Variants in FBXO31 observed in about 807,000 individuals in gnomAD.
FBXO31 encodes F-box protein 31.
FBXO31 carries 24 observed loss-of-function variants against 54.4 expected under a neutral mutation model. The ratio of observed to expected loss-of-function variants is 0.44; its 90% CI spans 0.32 to 0.62. FBXO31 has a LOEUF of 0.62. Ranked by LOEUF, FBXO31 falls within the 20% of genes least tolerant of loss-of-function variation. The pLI is 0.05. For synonymous variants in FBXO31, 388 were observed against 335.6 expected (o/e 1.16, Z -1.71); for missense variants, 665 against 787.1 (o/e 0.84, Z 1.86).
intron 1 of FBXO31, among the ~76,000 whole-genome samples, chr16:87,381,496 A>G (rs1640403919): frequency 6.6e-6 from 1 of 152,218 alleles, no homozygotes. Context: ...CTTGTCCAGG[A>G]TCTCACAGCA....
intron 1 of FBXO31, among the ~76,000 whole-genome samples, chr16:87,377,924 G>A (rs1447553148): frequency 1.3e-5 from 2 of 151,994 alleles, no homozygotes; most frequent in Non-Finnish European, 1.5e-5. Context: ...TTGGGAGCCC[G>A]AGGCAGGCGG....
chr16:87,342,941 T>G lies in FBXO31; in HGVS notation c.668A>C (p.Lys223Thr), dbSNP rs1357611457. 1.2e-6 allele frequency: 2 copies of G among 1,607,462 alleles called. No homozygotes were observed. The highest frequency in any genetic ancestry group is 3.4e-5 in the Admixed American group (2 of 59,040). Residue 223 changes from lysine to threonine, a missense_variant, in exon 5 of 9, where the codon AAG becomes ACG. Physicochemically the swap from Lys to Thr is moderately conservative, Grantham distance 78. Coordinates refer to ENST00000311635, the MANE Select transcript of FBXO31 (RefSeq NM_024735.5). Reference protein sequence around the residue: ...PHHGHIQIVKKDEFSTKCNQT... With the variant: ...PHHGHIQIVKTDEFSTKCNQT... ...GTTGCACTTGGTGGAGAACTCATCC[T>G]TCTTCACAATCTTCAGTGTTTGCAA... is the stretch of plus-strand genomic sequence containing the variant.
chr16:87,392,108 T>C (rs1255091581), upstream of FBXO31: 2 of 274,966 alleles, frequency 7.3e-6, no homozygotes, highest in African/African-American at 2.2e-5. Context: ...CGCCCAGCGG[T>C]GCTGGGCGGG....
chr16:87,377,926 G>A (rs1403111109), intron 1 of FBXO31, among the ~76,000 whole-genome samples: 1 of 152,152 alleles, frequency 6.6e-6, no homozygotes, highest in East Asian at 1.9e-4. Context: ...GGGAGCCCGA[G>A]GCAGGCGGAT....
chr16:87,383,689 C>A lies in FBXO31; in HGVS notation c.56G>T (p.Arg19Leu). Residue 19 changes from arginine to leucine, a missense_variant, in exon 1 of 9, where the codon CGC becomes CTC. This residue lies in a region of FBXO31 where 195 missense variants were observed against 174.8 expected (regional missense o/e 1.12). Coordinates refer to ENST00000311635, the MANE Select transcript of FBXO31 (RefSeq NM_024735.5). This position sits in a 1 kb window ranked among gnomAD's most constrained non-coding sequence, Gnocchi z 4.9. ...CTCGGCCGGGCCCCGGCGCTGCTGG[C>A]GGCGCCGACATCCGCGCGACGGGCC... is the stretch of plus-strand genomic sequence containing the variant. ...GVGPSRGCRR[R>L]QQRRGPAETA... 1 of 1,274,964 alleles carries A rather than the reference C, an allele frequency of 7.8e-7. No homozygotes were observed. The highest frequency in any genetic ancestry group is 9.8e-7 in the Non-Finnish European group (1 of 1,017,572). The allele number at this position is 1,274,964 out of a possible 1,614,324, so 79.0% of individuals were successfully genotyped here. A position where few individuals can be genotyped will look rare whatever the true frequency, so the allele number is the denominator to read the frequency against.
Position 87,330,081 on chromosome 16 carries a change from C to T in FBXO31, c.*1207G>A, listed in dbSNP as rs375309812. The T allele has an allele frequency of 2.6e-5, 4 of 152,424 alleles. No homozygotes were observed. Among genetic ancestry groups the T allele is most frequent in the African/African-American group, 4.8e-5 (2 of 41,472 alleles). The allele number at this position is 152,424 out of a possible 1,614,324, so 9.4% of individuals were successfully genotyped here. A position where few individuals can be genotyped will look rare whatever the true frequency, so the allele number is the denominator to read the frequency against. ...GGAAGGCTCGCTGGGGACGCCCACT[C>T]GGGCACGGAGCTGGCTGTGGGCTGG... is the stretch of plus-strand genomic sequence containing the variant. On this transcript the variant is annotated 3_prime_UTR_variant, in exon 9 of 9. Coordinates refer to ENST00000311635, the MANE Select transcript of FBXO31 (RefSeq NM_024735.5).
chr16:87,383,739 C>G lies in FBXO31; in HGVS notation c.6G>C (p.Ala2=). ...CCACGCCGCAAAGGCGAGCACACAC[C>G]GCCATGCCGCCCAGTGACGGCCACT... The part of the protein sequence containing the change: M[A]VCARLCGVGP... The change falls in exon 1 of 9, where the codon GCG becomes GCC. Residue 2 remains alanine, a synonymous_variant. Transcript: ENST00000311635. The surrounding 1 kb of genome is among the most constrained non-coding windows in gnomAD (Gnocchi z 4.9). 2 of 1,214,902 alleles carry G rather than the reference C, an allele frequency of 1.6e-6. No individual in the cohort carries two copies. Among genetic ancestry groups the G allele is most frequent in the Non-Finnish European group, 2.0e-6 (2 of 979,890 alleles). 75.3% of individuals were successfully genotyped at this position (1,214,902 alleles called of 1,614,324 possible). A position where few individuals can be genotyped will look rare whatever the true frequency, so the allele number is the denominator to read the frequency against.
In FBXO31 at chr16:87,343,595, C is replaced by G; in HGVS notation, c.657+3G>C. On this transcript the variant is annotated splice_donor_region_variant and intron_variant, in intron 4 of 8. Coordinates refer to ENST00000311635, the MANE Select transcript of FBXO31 (RefSeq NM_024735.5). ...GAGGACCCAGCCCCGCCGCTGCACA[C>G]ACCTGGATGTGGCCGTGGTGGGGCC... 1 of 1,604,024 alleles carries G rather than the reference C, an allele frequency of 6.2e-7. No individual in the cohort carries two copies. Among genetic ancestry groups the G allele is most frequent in the Non-Finnish European group, 8.5e-7 (1 of 1,175,410 alleles).
At chr16:87,391,068 T>G (rs1429162106), upstream of FBXO31, among the ~76,000 whole-genome samples, 6 of 152,194 alleles carry the variant, frequency 3.9e-5, no homozygotes, top group African/African-American at 1.4e-4. Context: ...AACAGCCAAA[T>G]AGCCGGGAGC....
rs551944205 is a variant in FBXO31, at chr16:87,358,879, A to C, written c.412+1416T>G. ...TGGGATGACCGTCTAGAGAACACTT[A>C]CCCCGGCTAACATACTCACTTTGCC... On this transcript the variant is annotated intron_variant, in intron 2 of 8. Transcript: ENST00000311635. The surrounding 1 kb of genome is among the most constrained non-coding windows in gnomAD (Gnocchi z 4.0). Among the ~76,000 whole-genome samples, 2 of 151,942 alleles carry C rather than the reference A, an allele frequency of 1.3e-5. No individual in the cohort carries two copies. The highest frequency in any genetic ancestry group is 4.2e-4 in the South Asian group (2 of 4,798).
chr16:87,382,184 C>G (rs1039593691), intron 1 of FBXO31, among the ~76,000 whole-genome samples: 1 of 152,152 alleles, frequency 6.6e-6, no homozygotes, highest in African/African-American at 2.4e-5. Context: ...CAGTGAGGGA[C>G]GAGTCTGTGC....
At chr16:87,354,623 C>T (rs894599110) in intron 2 of FBXO31, among the ~76,000 whole-genome samples, 2 of 152,058 alleles carry the variant, frequency 1.3e-5, no homozygotes, top group African/African-American at 4.8e-5. Context: ...ACCTCATGCA[C>T]CCAAGGAAAA....
chr16:87,334,125 G>C lies in FBXO31; in HGVS notation c.1158C>G (p.His386Gln). The C allele has an allele frequency of 6.2e-7, 1 of 1,611,446 alleles. No homozygotes were observed. Among genetic ancestry groups the C allele is most frequent in the Non-Finnish European group, 8.5e-7 (1 of 1,179,010 alleles). The change falls in exon 8 of 9, where the codon CAC becomes CAG. Residue 386 changes from histidine to glutamine, a missense_variant. His to Gln is a conservative substitution (Grantham distance 24). Around this residue, in one of 4 missense-constraint regions of FBXO31, gnomAD observed 165 missense variants for 159.7 expected, o/e 1.03. Transcript: ENST00000311635. The part of the protein sequence containing the change: ...RVRQEQQEGG[H>Q]EAGEGRGRQG... ...GCCGGCCACGACCCTCGCCCGCCTC[G>C]TGCCCGCCTTCCTGCTGCTCCTGGC... is the stretch of plus-strand genomic sequence containing the variant.
chr16:87,373,621 T>C (rs570380517), intron 1 of FBXO31, among the ~76,000 whole-genome samples: 3 of 151,832 alleles, frequency 2.0e-5, no homozygotes, highest in African/African-American at 4.8e-5. Flanking sequence ...CTTGAACTCC[T>C]GGGCACAAGC....
chr16:87,365,970 C>T (rs1044258176), intron 1 of FBXO31, among the ~76,000 whole-genome samples: 5 of 152,020 alleles, frequency 3.3e-5, no homozygotes, highest in African/African-American at 1.2e-4. Flanking sequence ...CGGAGGTTGC[C>T]GTGAGCCAAG....
At chr16:87,383,805 C>T, upstream of FBXO31, 2 of 1,125,866 alleles carry the variant, frequency 1.8e-6, no homozygotes, top group Non-Finnish European at 2.2e-6. The surrounding 1 kb of genome is among the most constrained non-coding windows in gnomAD (Gnocchi z 4.9). Context: ...CCCCGCCCCG[C>T]CAGCGCCGAG....
intron 4 of FBXO31, 76 bp downstream of exon 4, chr16:87,343,522 A>C (rs1016225736): frequency 6.6e-7 from 1 of 1,507,418 alleles, no homozygotes; most frequent in African/African-American, 1.4e-5. Context: ...AGCTGAGAAT[A>C]GCACGGCAGG....
chr16:87,382,723 C>G (rs1449188554), intron 1 of FBXO31, among the ~76,000 whole-genome samples: 1 of 152,160 alleles, frequency 6.6e-6, no homozygotes, highest in Non-Finnish European at 1.5e-5. Flanking sequence ...ACCTCCGCCT[C>G]CCGGGTTCAA....
rs1472501639 is a variant in FBXO31 at position 87,346,640 on chromosome 16, A to G, written c.489+534T>C. On this transcript the variant is annotated intron_variant, in intron 3 of 8. Transcript: ENST00000311635. This position sits in a 1 kb window ranked among gnomAD's most constrained non-coding sequence, Gnocchi z 4.2. ...CCACCAGCCTGGACTTCCGCCTGCAACGTTCTAGCACTTTCTAGCAGGGGC... is the reference window on the plus strand; with the variant it reads ...CCACCAGCCTGGACTTCCGCCTGCAGCGTTCTAGCACTTTCTAGCAGGGGC... Among the ~76,000 whole-genome samples, 1 of 152,200 alleles carries G rather than the reference A, an allele frequency of 6.6e-6. No individual in the cohort carries two copies. Among genetic ancestry groups the G allele is most frequent in the Non-Finnish European group, 1.5e-5 (1 of 68,030 alleles).
Sources: gnomAD v4.1 joint callset for allele counts (sites outside exome capture counted in the v4.1 genomes callset) on GRCh38, gnomAD v4.1.1 for gene constraint, gnomAD v4.1.1 regional missense constraint, Gnocchi (gnomAD v3.1) non-coding constraint, MANE v1.5 for transcripts, NCBI Gene and HGNC (gene_info 2026-07-23, HGNC 2026-07-21) for gene names.